Variants in THSD7B observed in about 807,000 individuals in gnomAD.
The protein encoded by THSD7B is thrombospondin type 1 domain containing 7B.
In THSD7B, 138 loss-of-function variants were observed where a neutral mutation model predicts 213.6. The observed-to-expected ratio is 0.65, with a 90% confidence interval of 0.56 to 0.74. The LOEUF (loss-of-function observed/expected upper bound fraction) is 0.74. Ranked by LOEUF, THSD7B falls within the 30% of genes least tolerant of loss-of-function variation. THSD7B has a pLI of 0.00. For missense variants in THSD7B, 1,931 were observed against 1,991.5 expected (o/e 0.97, Z 0.58); for synonymous variants, 742 against 687.0 (o/e 1.08, Z -1.25).
At chr2:137,265,651 A>C (rs1277157736) in intron 10 of THSD7B, among the ~76,000 whole-genome samples, 1 of 152,226 alleles carries the variant, frequency 6.6e-6, no homozygotes, top group Non-Finnish European at 1.5e-5. Context: ...TTGAGTAGAT[A>C]ATTTTAAGAA....
intron 2 of THSD7B, among the ~76,000 whole-genome samples, chr2:136,913,333 G>A (rs59827221): frequency 6.6e-6 from 1 of 152,208 alleles, no homozygotes; most frequent in Non-Finnish European, 1.5e-5. Context: ...AAGGGAAATA[G>A]AGCATAAAAG....
chr2:137,096,096 G>T (rs897739198), intron 4 of THSD7B, among the ~76,000 whole-genome samples: 2 of 152,150 alleles, frequency 1.3e-5, no homozygotes, highest in Non-Finnish European at 1.5e-5. Context: ...TTGGCTCACA[G>T]TGGGCCCAGT....
intron 1 of THSD7B, among the ~76,000 whole-genome samples, chr2:136,851,088 A>T (rs1683091828): frequency 6.6e-6 from 1 of 152,064 alleles, no homozygotes; most frequent in Non-Finnish European, 1.5e-5. Context: ...GTCTTTCAAA[A>T]ATATATTGGT....
In THSD7B at chr2:137,405,527, T is replaced by C. The variant is rs533330662; in HGVS notation, c.2501-86T>C. ...TTTGTGAAGCCCAAGTTTTTAAACA[T>C]TGGGGGATTCTGCTGTCTTGTCAAA... On this transcript the variant is annotated intron_variant, in intron 12 of 27. Coordinates refer to ENST00000409968, the MANE Select transcript of THSD7B (RefSeq NM_001316349.2). 25 of 1,306,252 alleles carry C rather than the reference T, an allele frequency of 1.9e-5. No homozygotes were observed. The East Asian group carries it at 2.0e-4, about 11-fold the overall frequency. The allele number at this position is 1,306,252 out of a possible 1,614,324, so 80.9% of individuals were successfully genotyped here. A position where few individuals can be genotyped will look rare whatever the true frequency, so the allele number is the denominator to read the frequency against.
At chr2:136,998,987 A>G (rs1243588548) in intron 2 of THSD7B, among the ~76,000 whole-genome samples, 1 of 151,036 alleles carries the variant, frequency 6.6e-6, no homozygotes, top group African/African-American at 2.4e-5. Context: ...CCAAGTCTTA[A>G]GCATGAGTGA....
At position 137,344,053 on chromosome 2, in the gene THSD7B, C is replaced by T. The variant is rs544402527; in HGVS notation, c.2501-61560C>T. Among the ~76,000 whole-genome samples the T allele has an allele frequency of 2.0e-5, 3 of 151,764 alleles. No homozygotes were observed. In the East Asian group the frequency reaches 5.8e-4, roughly 30 times the overall value. ...GAGCTCCCAACACCTGGGCCACTGA[C>T]CAGTATTGGCCGCATTAGATTCTCA... is the stretch of plus-strand genomic sequence containing the variant. On this transcript the variant is annotated intron_variant, in intron 12 of 27. Transcript: ENST00000409968.
chr2:137,474,490 A>G (rs1688156707), intron 15 of THSD7B, among the ~76,000 whole-genome samples: 1 of 152,206 alleles, frequency 6.6e-6, no homozygotes, highest in South Asian at 2.1e-4. Context: ...AAGTATGGGA[A>G]TGCTAGATGT....
chr2:136,907,054 C>T (rs1684177297), intron 2 of THSD7B, among the ~76,000 whole-genome samples: 3 of 141,568 alleles, frequency 2.1e-5, no homozygotes, highest in African/African-American at 7.7e-5. Flanking sequence ...AAGCAATTCT[C>T]CTACCTCAGT....
chr2:136,825,182 A>G (rs1487413010), intron 1 of THSD7B, among the ~76,000 whole-genome samples: 1 of 152,236 alleles, frequency 6.6e-6, no homozygotes, highest in Non-Finnish European at 1.5e-5. Context: ...CCTATTTTAC[A>G]GTTGACAAAA....
intron 2 of THSD7B, among the ~76,000 whole-genome samples, chr2:136,895,484 A>G (rs897116499): frequency 4.7e-5 from 7 of 148,234 alleles, no homozygotes; most frequent in Non-Finnish European, 1.0e-4. Context: ...TGATGATCCA[A>G]ATGAACCAAT....
chr2:137,129,728 A>G (rs1688694528), intron 5 of THSD7B, among the ~76,000 whole-genome samples: 1 of 152,194 alleles, frequency 6.6e-6, no homozygotes, highest in Non-Finnish European at 1.5e-5. Flanking sequence ...GGCATGAGCT[A>G]CCACACCTGA....
intron 15 of THSD7B, among the ~76,000 whole-genome samples, chr2:137,501,114 G>A (rs1376364732): frequency 6.6e-6 from 1 of 152,144 alleles, no homozygotes; most frequent in Non-Finnish European, 1.5e-5. Context: ...GGGTGATTCT[G>A]TCAGGGGGTA....
At chr2:137,190,267 G>A (rs1182318971) in intron 7 of THSD7B, among the ~76,000 whole-genome samples, 1 of 152,176 alleles carries the variant, frequency 6.6e-6, no homozygotes, top group Non-Finnish European at 1.5e-5. Flanking sequence ...TATATGCCAT[G>A]TGCTATTCCA....
intron 6 of THSD7B, among the ~76,000 whole-genome samples, chr2:137,163,664 T>C (rs2104987514): frequency 6.6e-6 from 1 of 152,352 alleles, no homozygotes; most frequent in South Asian, 2.1e-4. Context: ...GCTTCCAGCC[T>C]GCAGAACTCT....
intron 12 of THSD7B, among the ~76,000 whole-genome samples, chr2:137,386,552 C>A (rs1487044118): frequency 1.3e-5 from 2 of 152,106 alleles, no homozygotes; most frequent in African/African-American, 4.8e-5. Context: ...TTTTCTTTAA[C>A]TATTAGAGTT....
At chr2:137,631,728 A>T (rs1445872021) in intron 20 of THSD7B, among the ~76,000 whole-genome samples, 1 of 152,212 alleles carries the variant, frequency 6.6e-6, no homozygotes, top group South Asian at 2.1e-4. Flanking sequence ...ATTCGTTCTT[A>T]TGGCAAAAGA....
At chr2:137,505,623 G>A (rs187398331) in intron 15 of THSD7B, among the ~76,000 whole-genome samples, 1 of 152,306 alleles carries the variant, frequency 6.6e-6, no homozygotes, top group Admixed American at 6.5e-5. Flanking sequence ...TGTACAGAGT[G>A]GCAACTTTGC....
At chr2:137,293,250 C>G (rs1186607030) in intron 12 of THSD7B, among the ~76,000 whole-genome samples, 6 of 151,792 alleles carry the variant, frequency 4.0e-5, no homozygotes, top group Non-Finnish European at 8.8e-5. Flanking sequence ...GGGATTCTTT[C>G]ACCTCAGCCT....
intron 12 of THSD7B, among the ~76,000 whole-genome samples, chr2:137,362,638 A>G (rs192416127): frequency 1.3e-4 from 20 of 152,334 alleles, no homozygotes; most frequent in African/African-American, 4.6e-4. Context: ...AGAGACAAAG[A>G]AGGCCATTAC....
Sources: gnomAD v4.1 joint callset for allele counts (sites outside exome capture counted in the v4.1 genomes callset) on GRCh38, gnomAD v4.1.1 for gene constraint, MANE v1.5 for transcripts, NCBI Gene and HGNC (gene_info 2026-07-23, HGNC 2026-07-21) for gene names.